COL5A3: variants seen among roughly 807,000 people sequenced by gnomAD.
COL5A3 encodes the protein collagen type V alpha 3 chain.
COL5A3 carries 172 observed loss-of-function variants against 250.0 expected under a neutral mutation model. The ratio of observed to expected loss-of-function variants is 0.69; its 90% CI spans 0.61 to 0.78. COL5A3 has a LOEUF of 0.78. Ranked by LOEUF, COL5A3 falls within the 30% of genes least tolerant of loss-of-function variation. COL5A3 has a pLI of 0.00. For missense variants in COL5A3, 2,340 were observed against 2,334.4 expected (o/e 1.00, Z -0.05); for synonymous variants, 937 against 900.4 (o/e 1.04, Z -0.73).
rs142921712 is a variant in COL5A3, at chr19:9,959,955, G to C, written c.*456C>G. The C allele has an allele frequency of 7.5e-3, 1,290 of 171,516 alleles. 15 individuals are homozygous for C. Among genetic ancestry groups the C allele is most frequent in the African/African-American group, 0.029 (1,223 of 42,212 alleles). The allele number at this position is 171,516 out of a possible 1,614,324, so 10.6% of individuals were successfully genotyped here. A position where few individuals can be genotyped will look rare whatever the true frequency, so the allele number is the denominator to read the frequency against. On this transcript the variant is annotated 3_prime_UTR_variant, in exon 67 of 67. Transcript: ENST00000264828. ...ACCGTGGAAGTAGAAAGGATCAAAG[G>C]GGGTGGGGGTAGGGGTCCCAGCCTG...
Position 9,968,038 on chromosome 19 carries a change from G to C in COL5A3, c.4356C>G (p.Pro1452=), listed in dbSNP as rs1284781606. The stretch of plus-strand genomic sequence containing the variant: ...CCTGCATACTCACCGCCACACCTGG[G>C]GGCCCAGGGTGGCCCAGAGAGCCAA... ...GPIGSLGHPG[P]PGVAGPLGQK... The change falls in exon 60 of 67, where the codon CCC becomes CCG. Residue 1452 remains proline, a synonymous_variant. Transcript: ENST00000264828. The surrounding 1 kb of genome is among the most constrained non-coding windows in gnomAD (Gnocchi z 4.1). 1.3e-6 allele frequency: 2 copies of C among 1,590,718 alleles called. No homozygotes were observed. The highest frequency in any genetic ancestry group is 1.4e-5 in the African/African-American group (1 of 73,380).
rs1555732351 is a variant in COL5A3, at chr19:9,960,641, A to T, written c.5091+10T>A. 4 of 1,613,690 alleles carry T rather than the reference A, an allele frequency of 2.5e-6. No individual in the cohort carries two copies. Among genetic ancestry groups the T allele is most frequent in the Admixed American group, 1.7e-5 (1 of 59,994 alleles). ...CCCCTCTCTAGCTGGCCACTGCCCC[A>T]CCCTCTTACCCGGCAGCCATCCTGG... On this transcript the variant is annotated intron_variant, in intron 66 of 66. Transcript: ENST00000264828.
chr19:9,970,587 TA>T, intron 54 of COL5A3, 34 bp downstream of exon 54: 1 of 1,370,450 alleles, frequency 7.3e-7, no homozygotes, highest in Non-Finnish European at 9.5e-7. Context: ...GGGCTGTAGA[TA>T]AGCTGAGGAC....
At chr19:9,983,600 G>GAAAGAAAA (rs1278817642) in intron 31 of COL5A3, among the ~76,000 whole-genome samples, 1 of 77,042 alleles carries the variant, frequency 1.3e-5, no homozygotes, top group Non-Finnish European at 2.6e-5. Context: ...AAGAAAGAAA[G>GAAAGAAAA]AGAAAGAGAG....
At chr19:9,961,636 G>A (rs1037082716) in intron 65 of COL5A3, among the ~76,000 whole-genome samples, 7 of 147,340 alleles carry the variant, frequency 4.8e-5, no homozygotes, top group Non-Finnish European at 7.4e-5. Flanking sequence ...TCAGCTCACT[G>A]CAAGCTCCGC....
intron 1 of COL5A3, 66 bp from the exon 2 acceptor site, chr19:10,006,297 C>A: frequency 6.9e-7 from 1 of 1,445,868 alleles, no homozygotes; most frequent in Admixed American, 2.4e-5. Context: ...GCCCAGGACT[C>A]CAGGATAGAG....
Position 9,977,715 on chromosome 19 carries a change from T to C in COL5A3, c.3019-14A>G, listed in dbSNP as rs749856952. On this transcript the variant is annotated splice_polypyrimidine_tract_variant and intron_variant, in intron 41 of 66. Transcript: ENST00000264828. The stretch of plus-strand genomic sequence containing the variant: ...ACCAGGGGAGCCCTGAGAACAGGGG[T>C]GATGAATCAGGTATAATACCAGTAG... The C allele has an allele frequency of 7.7e-6, 12 of 1,548,578 alleles. No individual in the cohort carries two copies. The highest frequency in any genetic ancestry group is 9.6e-6 in the Non-Finnish European group (11 of 1,148,904).
chr19:9,988,681 A>C (rs2087135209), intron 27 of COL5A3, among the ~76,000 whole-genome samples: 1 of 151,470 alleles, frequency 6.6e-6, no homozygotes, highest in East Asian at 1.9e-4. Flanking sequence ...AAATACAAAA[A>C]TTACCCAGGA....
chr19:10,003,844 A>G (rs1367351892), intron 5 of COL5A3, 130 bp from the exon 6 acceptor site: 16 of 1,286,812 alleles, frequency 1.2e-5, no homozygotes, highest in Non-Finnish European at 1.7e-5. Flanking sequence ...AGTCAACGTT[A>G]TTCATGTAAC....
chr19:10,002,279 TG>T (rs1373269059), intron 6 of COL5A3, among the ~76,000 whole-genome samples: 11 of 39,932 alleles, frequency 2.8e-4, no homozygotes, highest in Admixed American at 6.4e-4. Context: ...AGGTGGGGGT[TG>T]GGGGGGTGTG....
chr19:9,988,856 A>AAGG (rs1797769941), intron 27 of COL5A3, among the ~76,000 whole-genome samples: 1 of 67,782 alleles, frequency 1.5e-5, no homozygotes, highest in Non-Finnish European at 2.8e-5. Context: ...AAAAAAAAAA[A>AAGG]AAGAAAGTAA....
intron 27 of COL5A3, 89 bp from the exon 28 acceptor site, chr19:9,986,847 A>C (rs2087108260): frequency 6.9e-7 from 1 of 1,443,306 alleles, no homozygotes; most frequent in South Asian, 1.2e-5. Flanking sequence ...CAGCCAGGAT[A>C]GTCCCAAGAG....
rs548661309 is a variant in COL5A3 at position 9,968,386 on chromosome 19, G to A, written c.4313C>T (p.Pro1438Leu). 6.3e-7 allele frequency: 1 copy of A among 1,595,050 alleles called. No individual in the cohort carries two copies. Among genetic ancestry groups the A allele is most frequent in the African/African-American group, 1.4e-5 (1 of 73,628 alleles). Reference protein sequence around the residue: ...VQGPPGPKGDPGPPGPIGSLG... With the variant: ...VQGPPGPKGDLGPPGPIGSLG... ...TCCCGCTCAGGTCAGGACACTCACA[G>A]GGTCTCCCTTGGGACCAGGGGGTCC... is the stretch of plus-strand genomic sequence containing the variant. Residue 1438 changes from proline to leucine, a missense_variant and splice_region_variant, in exon 59 of 67, where the codon CCT becomes CTT. Physicochemically the swap from Pro to Leu is moderately conservative, Grantham distance 98. Coordinates refer to ENST00000264828, the MANE Select transcript of COL5A3 (RefSeq NM_015719.4). This position sits in a 1 kb window ranked among gnomAD's most constrained non-coding sequence, Gnocchi z 4.1.
Position 9,969,337 on chromosome 19 carries a change from CA to C in COL5A3, c.4152+11del. The C allele has an allele frequency of 6.3e-7, 1 of 1,588,164 alleles. No homozygotes were observed. Among genetic ancestry groups the C allele is most frequent in the East Asian group, 2.2e-5 (1 of 44,682 alleles). On this transcript the variant is annotated intron_variant, in intron 57 of 66. Coordinates refer to ENST00000264828, the MANE Select transcript of COL5A3 (RefSeq NM_015719.4). ...TCAGAGCCAGAACCTCAAGGATGAA[CA>C]AGTCTCTTACCAGGGGGCCAGGAGG... is the stretch of plus-strand genomic sequence containing the variant.
intron 31 of COL5A3, among the ~76,000 whole-genome samples, chr19:9,983,584 GAAAGAAAGAA>G (rs1328253155): frequency 8.8e-5 from 8 of 90,800 alleles, no homozygotes; most frequent in Admixed American, 4.7e-4. Flanking sequence ...AAGAAAGAAA[GAAAGAAAGAA>G]AGAAAGAGAA....
chr19:9,987,254 A>T (rs1168433118), intron 27 of COL5A3, among the ~76,000 whole-genome samples: 1 of 152,200 alleles, frequency 6.6e-6, no homozygotes, highest in Non-Finnish European at 1.5e-5. Flanking sequence ...GGCTACAATG[A>T]AATTGCGCTT....
At chr19:9,989,662 C>T (rs1340991371) in intron 24 of COL5A3, 140 bp from the exon 25 acceptor site, 2 of 748,964 alleles carry the variant, frequency 2.7e-6, no homozygotes, top group Non-Finnish European at 4.2e-6. Flanking sequence ...CCCAGCTCTG[C>T]CCAAACTTGC....
rs538092373 is a variant in COL5A3, at chr19:9,977,357, C to T, written c.3234+8G>A. ...CCCCTGGACCCTTCCTCTCTGTGAA[C>T]CCCTCACCTTGTCCCCTTCCTCGCC... is the stretch of plus-strand genomic sequence containing the variant. On this transcript the variant is annotated splice_region_variant and intron_variant, in intron 43 of 66. Transcript: ENST00000264828. The T allele has an allele frequency of 7.5e-6, 12 of 1,605,800 alleles. No individual in the cohort carries two copies. Among genetic ancestry groups the T allele is most frequent in the South Asian group, 3.3e-5 (3 of 90,358 alleles).
At chr19:9,970,496 AGTG>A (rs2086828407) in intron 54 of COL5A3, 123 bp downstream of exon 54, 1 of 114,098 alleles carries the variant, frequency 8.8e-6, no homozygotes, top group African/African-American at 2.7e-4. Flanking sequence ...GGGGCTGTGG[AGTG>A]AGTGGGGTCT....
Sources: allele counts gnomAD v4.1 joint callset (sites outside exome capture counted in the v4.1 genomes callset), GRCh38; gene constraint gnomAD v4.1.1; non-coding constraint Gnocchi (gnomAD v3.1); transcripts MANE v1.5; gene names NCBI Gene and HGNC (gene_info 2026-07-23, HGNC 2026-07-21).